CPQ: variants seen among roughly 807,000 people sequenced by gnomAD.
CPQ encodes Ser-Met dipeptidase.
A neutral mutation model predicts 45.7 loss-of-function variants in CPQ; 37 were observed. The observed-to-expected ratio is 0.81, with a 90% CI of 0.62 to 1.07. The LOEUF is 1.07. Among genes scored for constraint, CPQ ranks in the 50% least tolerant of loss-of-function variants. CPQ has a pLI of 0.00. For missense variants in CPQ, 537 were observed against 572.9 expected, an observed-to-expected ratio of 0.94 and a Z score of 0.64; for synonymous variants, 186 against 205.8, an observed-to-expected ratio of 0.90 and a Z score of 0.82.
At chr8:96,899,955 G>GA (rs1193696316) in intron 4 of CPQ, among the ~76,000 whole-genome samples, 1 of 151,696 alleles carries the variant, frequency 6.6e-6, no homozygotes, top group Non-Finnish European at 1.5e-5. Context: ...CAATTCTTGG[G>GA]AAAAAAAATA....
chr8:96,997,746 T>A (rs1809200948), intron 5 of CPQ, among the ~76,000 whole-genome samples: 1 of 151,976 alleles, frequency 6.6e-6, no homozygotes, highest in Non-Finnish European at 1.5e-5. Context: ...GCTTCCCATG[T>A]GTGGGATTCA....
chr8:97,025,272 C>T (rs1429766549), intron 5 of CPQ, among the ~76,000 whole-genome samples: 2 of 152,102 alleles, frequency 1.3e-5, no homozygotes, highest in Admixed American at 6.6e-5. Context: ...TATTATTACT[C>T]TCCTCAATGA....
intron 7 of CPQ, among the ~76,000 whole-genome samples, chr8:97,080,917 C>CTTCCTTCCTTCCTTCT (rs1203387592): frequency 1.5e-4 from 23 of 150,202 alleles, no homozygotes; most frequent in Non-Finnish European, 2.7e-4. Context: ...CCCTTCTTTC[C>CTTCCTTCCTTCCTTCT]TTCCTTCCTT....
chr8:97,115,393 G>A (rs1314251561), intron 7 of CPQ, among the ~76,000 whole-genome samples: 1 of 152,232 alleles, frequency 6.6e-6, no homozygotes, highest in African/African-American at 2.4e-5. Flanking sequence ...TTTTACTCTA[G>A]TTAGTGGGCC....
At chr8:97,050,549 G>T (rs1489956159) in intron 6 of CPQ, among the ~76,000 whole-genome samples, 2 of 152,036 alleles carry the variant, frequency 1.3e-5, no homozygotes, top group African/African-American at 4.8e-5. Flanking sequence ...TTTTATACTG[G>T]CAGAAACAGG....
At chr8:96,729,197 G>T (rs927563988) in intron 1 of CPQ, among the ~76,000 whole-genome samples, 1 of 152,160 alleles carries the variant, frequency 6.6e-6, no homozygotes, top group Non-Finnish European at 1.5e-5. Flanking sequence ...CCATGGCCAT[G>T]GTGGAACTCT....
chr8:97,012,009 C>T (rs1463837160), intron 5 of CPQ, among the ~76,000 whole-genome samples: 3 of 152,112 alleles, frequency 2.0e-5, no homozygotes, highest in Non-Finnish European at 4.4e-5. Flanking sequence ...TGCAAAACAC[C>T]TACTACAATG....
At chr8:96,704,735 T>C (rs545835241) in intron 1 of CPQ, among the ~76,000 whole-genome samples, 4 of 152,244 alleles carry the variant, frequency 2.6e-5, no homozygotes, top group African/African-American at 9.6e-5. Flanking sequence ...ATTAAAGAAC[T>C]ACAAACAGGA....
chr8:96,825,862 T>C (rs1272440788), intron 2 of CPQ, among the ~76,000 whole-genome samples: 1 of 152,026 alleles, frequency 6.6e-6, no homozygotes, highest in African/African-American at 2.4e-5. Flanking sequence ...TTTCATAGAG[T>C]TATTTTAGCC....
intron 4 of CPQ, among the ~76,000 whole-genome samples, chr8:96,941,980 T>C (rs1813128381): frequency 6.6e-6 from 1 of 152,218 alleles, no homozygotes; most frequent in South Asian, 2.1e-4. Flanking sequence ...CCATTCAAGC[T>C]ACTGCTGAAA....
chr8:96,811,667 AG>A (rs1811163140), intron 2 of CPQ, among the ~76,000 whole-genome samples: 2 of 152,204 alleles, frequency 1.3e-5, no homozygotes, highest in Non-Finnish European at 2.9e-5. Context: ...TTTTATTTCC[AG>A]GTAATTTATA....
At chr8:96,915,332 A>G (rs1485288917) in intron 4 of CPQ, among the ~76,000 whole-genome samples, 1 of 152,180 alleles carries the variant, frequency 6.6e-6, no homozygotes, top group Non-Finnish European at 1.5e-5. Context: ...TACAGCTGTA[A>G]TGCTGAACAC....
chr8:97,074,199 T>A (rs2130541516), intron 7 of CPQ, among the ~76,000 whole-genome samples: 1 of 152,356 alleles, frequency 6.6e-6, no homozygotes, highest in East Asian at 1.9e-4. Flanking sequence ...TTGTACTTTA[T>A]CTCCTTAACT....
chr8:96,657,969 TA>T (rs1219842921), intron 1 of CPQ, among the ~76,000 whole-genome samples: 6 of 152,266 alleles, frequency 3.9e-5, no homozygotes, highest in African/African-American at 1.4e-4. Flanking sequence ...GGATCTATGT[TA>T]TTCATAACTA....
intron 4 of CPQ, among the ~76,000 whole-genome samples, chr8:96,956,956 T>C (rs1363352339): frequency 6.6e-6 from 1 of 152,200 alleles, no homozygotes; most frequent in Non-Finnish European, 1.5e-5. Context: ...CATGGAGCCT[T>C]TCAAAGTAAA....
intron 4 of CPQ, among the ~76,000 whole-genome samples, chr8:96,884,286 C>G (rs1812270678): frequency 6.6e-6 from 1 of 152,154 alleles, no homozygotes; most frequent in African/African-American, 2.4e-5. Context: ...AATTCTGTTC[C>G]TACCTTGCCT....
At chr8:97,059,658 G>T (rs776898444) in intron 6 of CPQ, among the ~76,000 whole-genome samples, 6 of 152,152 alleles carry the variant, frequency 3.9e-5, no homozygotes, top group Non-Finnish European at 5.9e-5. Context: ...GCTCTGTAAA[G>T]AAATCACCTT....
At chr8:96,942,187 G>C (rs979571437) in intron 4 of CPQ, among the ~76,000 whole-genome samples, 1 of 152,122 alleles carries the variant, frequency 6.6e-6, no homozygotes, top group Admixed American at 6.5e-5. Flanking sequence ...TGTTTAACTT[G>C]ATTTCACAAG....
intron 1 of CPQ, among the ~76,000 whole-genome samples, chr8:96,747,228 TTGCAGTGA>T (rs1810198712): frequency 6.6e-6 from 1 of 150,894 alleles, no homozygotes; most frequent in African/African-American, 2.4e-5. Flanking sequence ...GAGGTGGAGG[TTGCAGTGA>T]GCAGAGATCC....
Sources: allele counts gnomAD v4.1 joint callset (sites outside exome capture counted in the v4.1 genomes callset), GRCh38; gene constraint gnomAD v4.1.1; transcripts MANE v1.5; gene names NCBI Gene and HGNC (gene_info 2026-07-23, HGNC 2026-07-21).